Variants in MDFIC2 observed in about 807,000 individuals in gnomAD.
MDFIC2 encodes the protein myoD family inhibitor domain-containing protein 2.
At chr3:70,275,706 C>T (rs937641481) in intron 2 of MDFIC2, among the ~76,000 whole-genome samples, 3 of 151,988 alleles carry the variant, frequency 2.0e-5, no homozygotes, top group African/African-American at 7.2e-5. Flanking sequence ...CTCAAAGCGT[C>T]GTTGAAAGGA....
intron 2 of MDFIC2, among the ~76,000 whole-genome samples, chr3:70,224,794 G>A (rs1463039354): frequency 6.6e-6 from 1 of 151,944 alleles, no homozygotes; most frequent in Admixed American, 6.6e-5. Flanking sequence ...AAACATTGCA[G>A]TTGATAATAT....
intron 3 of MDFIC2, among the ~76,000 whole-genome samples, chr3:70,202,975 C>A (rs1286176158): frequency 6.6e-6 from 1 of 152,028 alleles, no homozygotes; most frequent in Non-Finnish European, 1.5e-5. Context: ...TCTGCCCTCC[C>A]AACTTTGGGT....
At chr3:70,249,897 G>T (rs1018365989) in intron 2 of MDFIC2, among the ~76,000 whole-genome samples, 2 of 152,110 alleles carry the variant, frequency 1.3e-5, no homozygotes, top group African/African-American at 4.8e-5. Context: ...TCTTGAGGGG[G>T]CAAGAGAATT....
chr3:70,217,938 T>G (rs1191678329), intron 2 of MDFIC2, among the ~76,000 whole-genome samples: 1 of 152,130 alleles, frequency 6.6e-6, no homozygotes, highest in Non-Finnish European at 1.5e-5. Context: ...AGAAATAAGA[T>G]GTATACAGAG....
chr3:70,229,394 A>C (rs1200308871), intron 2 of MDFIC2, among the ~76,000 whole-genome samples: 1 of 152,220 alleles, frequency 6.6e-6, no homozygotes, highest in East Asian at 1.9e-4. Flanking sequence ...AGATCATTTT[A>C]ATTACCCTCT....
chr3:70,247,795 G>T (rs569133581), intron 2 of MDFIC2, among the ~76,000 whole-genome samples: 2 of 151,830 alleles, frequency 1.3e-5, no homozygotes, highest in South Asian at 4.2e-4. Context: ...AAGATTCAAG[G>T]TTTCAAACAC....
chr3:70,306,418 GT>G (rs1209144999), intron 2 of MDFIC2, among the ~76,000 whole-genome samples: 2 of 152,098 alleles, frequency 1.3e-5, no homozygotes, highest in Non-Finnish European at 2.9e-5. Context: ...GCCAATAATC[GT>G]TTTTATATCA....
intron 2 of MDFIC2, among the ~76,000 whole-genome samples, chr3:70,279,016 C>G (rs777577909): frequency 2.0e-5 from 3 of 150,826 alleles, no homozygotes; most frequent in Non-Finnish European, 4.4e-5. Context: ...ATGTAGATGC[C>G]TATCAGTATC....
intron 2 of MDFIC2, among the ~76,000 whole-genome samples, chr3:70,303,263 G>A (rs1030708206): frequency 6.6e-6 from 1 of 152,096 alleles, no homozygotes; most frequent in African/African-American, 2.4e-5. Context: ...TCCCTCTGAA[G>A]AAGCATCTAC....
rs1559560968 is a variant in MDFIC2, at chr3:70,311,930, T to C, written c.44A>G (p.Glu15Gly). The change falls in exon 2 of 4, where the codon GAG (glutamate) becomes GGG (glycine). Residue 15 changes from glutamate (E) to glycine (G), a missense_variant. Coordinates refer to ENST00000567252, the MANE Select transcript of MDFIC2 (RefSeq NM_001364677.1). Reference protein sequence around the residue: ...ELEKIKVRTAEHLENDKNNIS... With the variant: ...ELEKIKVRTAGHLENDKNNIS... ...GTTATTTTTATCATTTTCTAAATGC[T>C]CAGCTGTTCTTACTTTTATCTTTTC... 2 of 397,902 alleles carry C rather than the reference T, an allele frequency of 5.0e-6. No homozygotes were observed. Among genetic ancestry groups the C allele is most frequent in the Non-Finnish European group, 8.9e-6 (2 of 225,644 alleles). 24.6% of individuals were successfully genotyped at this position (397,902 alleles called of 1,614,324 possible). A position where few individuals can be genotyped will look rare whatever the true frequency, so the allele number is the denominator to read the frequency against.
At chr3:70,290,232 G>T (rs2106691738) in intron 2 of MDFIC2, among the ~76,000 whole-genome samples, 1 of 152,246 alleles carries the variant, frequency 6.6e-6, no homozygotes, top group Non-Finnish European at 1.5e-5. Flanking sequence ...GTACAGATGG[G>T]TTTTTGGTGT....
chr3:70,249,755 C>G (rs1701742275), intron 2 of MDFIC2: 1 of 152,068 alleles, frequency 6.6e-6, no homozygotes, highest in Non-Finnish European at 1.5e-5. Context: ...CCTGTTTGCT[C>G]CTTGCTGCAT....
Position 70,196,905 on chromosome 3 carries a change from G to T in MDFIC2, c.*21C>A. ...CCCACCGTGGCCAAAAGGACTGCCG[G>T]AATGTGGTTACTTCACTGTGCTAGC... On this transcript the variant is annotated 3_prime_UTR_variant, in exon 4 of 4. Transcript: ENST00000567252. 1 of 398,452 alleles carries T rather than the reference G, an allele frequency of 2.5e-6. No individual in the cohort carries two copies. Among genetic ancestry groups the T allele is most frequent in the South Asian group, 1.3e-4 (1 of 7,830 alleles). 24.7% of individuals were successfully genotyped at this position (398,452 alleles called of 1,614,324 possible). A position where few individuals can be genotyped will look rare whatever the true frequency, so the allele number is the denominator to read the frequency against.
intron 2 of MDFIC2, chr3:70,271,756 C>T (rs1221236595): frequency 6.6e-6 from 1 of 152,096 alleles, no homozygotes; most frequent in Admixed American, 6.6e-5. Flanking sequence ...ATGGCTCACA[C>T]TTATTTTTTA....
chr3:70,280,897 G>A (rs920954962), intron 2 of MDFIC2, among the ~76,000 whole-genome samples: 6 of 152,108 alleles, frequency 3.9e-5, no homozygotes, highest in Admixed American at 6.6e-5. Context: ...TAAACAGATA[G>A]GACTTGCTGG....
intron 2 of MDFIC2, among the ~76,000 whole-genome samples, chr3:70,275,061 A>G (rs1354119076): frequency 6.6e-6 from 1 of 152,220 alleles, no homozygotes; most frequent in African/African-American, 2.4e-5. Context: ...TTCAGGTGAT[A>G]TAAGCCTGCA....
At chr3:70,217,345 A>G (rs1199395438) in intron 2 of MDFIC2, among the ~76,000 whole-genome samples, 2 of 152,118 alleles carry the variant, frequency 1.3e-5, no homozygotes, top group African/African-American at 2.4e-5. Context: ...ATTTTAAAAT[A>G]TTTATTGATT....
In MDFIC2 at chr3:70,199,601, C is replaced by T. The variant is rs150193957; in HGVS notation, c.311-2416G>A. Among the ~76,000 whole-genome samples, 510 of 152,222 alleles carry T rather than the reference C, an allele frequency of 3.4e-3. 4 individuals carry two copies. The highest frequency in any genetic ancestry group is 0.017 in the South Asian group (81 of 4,822). On this transcript the variant is annotated intron_variant, in intron 3 of 3. Transcript: ENST00000567252. ...CTTTCAAGTGAGTTCCACACTTTTC[C>T]TAAAAGGCATGTTAAATAGTTCTAC...
At chr3:70,235,571 A>C (rs1046173514) in intron 2 of MDFIC2, among the ~76,000 whole-genome samples, 9 of 152,202 alleles carry the variant, frequency 5.9e-5, no homozygotes, top group African/African-American at 2.2e-4. Context: ...ATGGTCAGTC[A>C]GGCTCACGGC....
Sources: allele counts gnomAD v4.1 joint callset (sites outside exome capture counted in the v4.1 genomes callset), GRCh38; gene constraint gnomAD v4.1.1; transcripts MANE v1.5; gene names NCBI Gene and HGNC (gene_info 2026-07-23, HGNC 2026-07-21).